CNGA3: variants seen among roughly 807,000 people sequenced by gnomAD.
CNGA3 encodes cyclic nucleotide gated channel subunit alpha 3.
CNGA3 carries 42 observed loss-of-function variants against 46.6 expected under a neutral mutation model. That is an observed-to-expected ratio of 0.90 (90% CI 0.70 to 1.17). The LOEUF (loss-of-function observed/expected upper bound fraction) is 1.17, where lower values mean the gene tolerates loss of function less well. Ranked by LOEUF, CNGA3 falls within the 50% of genes most tolerant of loss-of-function variation. The probability of loss-of-function intolerance (pLI) is 0.00; values close to 1 mark genes in which losing one functional copy is unlikely to be tolerated. For synonymous variants in CNGA3, 394 were observed against 369.4 expected (o/e 1.07, Z -0.76); for missense variants, 893 against 890.7 (o/e 1.00, Z -0.03).
At chr2:98,388,002 A>C (rs1402998513) in intron 5 of CNGA3, among the ~76,000 whole-genome samples, 1 of 152,218 alleles carries the variant, frequency 6.6e-6, no homozygotes, top group Non-Finnish European at 1.5e-5. Flanking sequence ...ATAGATCAGA[A>C]ATTGTAGAAC....
chr2:98,373,697 A>G (rs1270963944), intron 2 of CNGA3, among the ~76,000 whole-genome samples: 2 of 152,222 alleles, frequency 1.3e-5, no homozygotes, highest in African/African-American at 2.4e-5. Context: ...AGTTGGCTCA[A>G]TTATTTAAGA....
intron 1 of CNGA3, among the ~76,000 whole-genome samples, chr2:98,356,984 A>T (rs1156956308): frequency 6.6e-6 from 1 of 152,236 alleles, no homozygotes; most frequent in Admixed American, 6.5e-5. Flanking sequence ...TTATTAGAAC[A>T]GTAACAGGCA....
intron 5 of CNGA3, among the ~76,000 whole-genome samples, chr2:98,386,092 T>C (rs1178599418): frequency 6.6e-6 from 1 of 152,172 alleles, no homozygotes; most frequent in Non-Finnish European, 1.5e-5. Context: ...ACTGAATGTG[T>C]TACTCTGTGA....
chr2:98,349,484 T>A (rs1204444322), intron 1 of CNGA3, among the ~76,000 whole-genome samples: 1 of 152,234 alleles, frequency 6.6e-6, no homozygotes, highest in East Asian at 1.9e-4. Context: ...GGGGTCACTA[T>A]GGAAGGTTCA....
chr2:98,378,037 G>C (rs754466564), intron 3 of CNGA3: 1 of 1,547,646 alleles, frequency 6.5e-7, no homozygotes, highest in South Asian at 1.2e-5. Flanking sequence ...AATAAAAGCT[G>C]ACATTGAGGT....
At chr2:98,372,511 A>C (rs766399251) in intron 2 of CNGA3, among the ~76,000 whole-genome samples, 2 of 152,226 alleles carry the variant, frequency 1.3e-5, no homozygotes, top group South Asian at 4.1e-4. Flanking sequence ...CTTCCTTTGC[A>C]CTTTCTGTGA....
At chr2:98,368,951 G>C (rs945550919) in intron 1 of CNGA3, among the ~76,000 whole-genome samples, 5 of 152,204 alleles carry the variant, frequency 3.3e-5, no homozygotes, top group Admixed American at 2.6e-4. Context: ...TCAAAAGGCC[G>C]ATCTTAGGCT....
intron 1 of CNGA3, among the ~76,000 whole-genome samples, chr2:98,368,172 G>T (rs1413796003): frequency 6.6e-6 from 1 of 152,224 alleles, no homozygotes; most frequent in Non-Finnish European, 1.5e-5. Flanking sequence ...TCAGAGACAA[G>T]TCAGGACCCT....
At chr2:98,350,253 G>A (rs72819927) in intron 1 of CNGA3, among the ~76,000 whole-genome samples, 19,288 of 152,100 alleles carry the variant, frequency 0.13, 1,791 homozygotes, top group Non-Finnish European at 0.19. Flanking sequence ...CTTCCTCATC[G>A]AGTTGTTGTG....
rs1210938939 is a variant in CNGA3, at chr2:98,377,770, A to G, written c.185A>G (p.Gln62Arg). Residue 62 changes from glutamine to arginine, a missense_variant, in exon 3 of 8, where the codon CAG (glutamine) becomes CGG (arginine). Physicochemically the swap from Gln to Arg is conservative, Grantham distance 43. Coordinates refer to ENST00000272602, the MANE Select transcript of CNGA3 (RefSeq NM_001298.3). ...METRGLADSG[Q>R]GSFTGQGIAR... is the part of the protein sequence containing the mutation. ...ACCAGAGGACTGGCTGACTCCGGGC[A>G]GGGCTCCTTCACCGGCCAGGGGATC... The G allele has an allele frequency of 6.2e-6, 10 of 1,612,406 alleles. No individual in the cohort carries two copies. Among genetic ancestry groups the G allele is most frequent in the East Asian group, 2.2e-5 (1 of 44,878 alleles).
At chr2:98,358,017 C>T (rs772618895) in intron 1 of CNGA3, among the ~76,000 whole-genome samples, 23 of 152,236 alleles carry the variant, frequency 1.5e-4, no homozygotes, top group Non-Finnish European at 3.1e-4. Context: ...TGAGGATTCA[C>T]GCGTGATGGA....
At chr2:98,395,758 G>A in intron 7 of CNGA3, 86 bp from the exon 8 acceptor site, 1 of 1,081,590 alleles carries the variant, frequency 9.2e-7, no homozygotes, top group Non-Finnish European at 1.4e-6. Flanking sequence ...ATACTGTGTA[G>A]CCGTGAGGTA....
chr2:98,365,810 T>C (rs757991062), intron 1 of CNGA3, among the ~76,000 whole-genome samples: 1 of 152,212 alleles, frequency 6.6e-6, no homozygotes, highest in Non-Finnish European at 1.5e-5. Context: ...TGTTTTATCA[T>C]GGTTCTTAGC....
chr2:98,378,466 T>C (rs1189240806), intron 3 of CNGA3, among the ~76,000 whole-genome samples: 3 of 152,230 alleles, frequency 2.0e-5, no homozygotes, highest in Non-Finnish European at 4.4e-5. Context: ...CATTATTTCC[T>C]TCCACCACGT....
intron 1 of CNGA3, among the ~76,000 whole-genome samples, chr2:98,364,162 G>A: frequency 6.6e-6 from 1 of 152,146 alleles, no homozygotes; most frequent in Non-Finnish European, 1.5e-5. Flanking sequence ...CAGATCACTT[G>A]AGATCAGAAG....
At chr2:98,361,161 A>T (rs1692024168) in intron 1 of CNGA3, among the ~76,000 whole-genome samples, 1 of 152,106 alleles carries the variant, frequency 6.6e-6, no homozygotes, top group Admixed American at 6.6e-5. Flanking sequence ...TTAGCTATTT[A>T]TCCAGTTACT....
rs200069389 is a variant in CNGA3 at position 98,396,271 on chromosome 2, T to C, written c.1101T>C (p.Gly367=). The C allele has an allele frequency of 3.0e-4, 481 of 1,611,906 alleles. 1 individual carries two copies. The highest frequency in any genetic ancestry group is 7.8e-4 in the Admixed American group (47 of 59,898). ...CCACCTTGACCCTTACCACCATTGG[T>C]GAGACCCCACCCCCCGTGAAAGATG... The part of the protein sequence containing the change: ...YWSTLTLTTI[G]ETPPPVKDEE... The change falls in exon 8 of 8, where the codon GGT becomes GGC. Residue 367 remains glycine, a synonymous_variant. Transcript: ENST00000272602.
chr2:98,365,744 A>T (rs757237803), intron 1 of CNGA3, among the ~76,000 whole-genome samples: 1 of 152,168 alleles, frequency 6.6e-6, no homozygotes, highest in Non-Finnish European at 1.5e-5. Context: ...TTTCAGAACC[A>T]TCAGGTCATT....
At chr2:98,370,550 T>C (rs1191819009) in intron 2 of CNGA3, among the ~76,000 whole-genome samples, 1 of 152,184 alleles carries the variant, frequency 6.6e-6, no homozygotes, top group African/African-American at 2.4e-5. Flanking sequence ...GCCCAGGGCC[T>C]GTATAGGGAG....
Sources: gnomAD v4.1 joint callset for allele counts (sites outside exome capture counted in the v4.1 genomes callset) on GRCh38, gnomAD v4.1.1 for gene constraint, MANE v1.5 for transcripts, NCBI Gene and HGNC (gene_info 2026-07-23, HGNC 2026-07-21) for gene names.